The following BUB1B variants were observed in gnomAD, a reference collection of about 807,000 sequenced individuals.
BUB1B encodes the protein BUB1 mitotic checkpoint serine/threonine kinase B.
BUB1B carries 86 observed loss-of-function variants against 137.7 expected under a neutral mutation model. The observed-to-expected ratio is 0.62, with a 90% confidence interval of 0.52 to 0.75. The LOEUF is 0.75. Ranked by LOEUF, BUB1B falls within the 30% of genes least tolerant of loss-of-function variation. BUB1B has a pLI of 0.00. For missense variants in BUB1B, 1,130 were observed against 1,236.9 expected, an observed-to-expected ratio of 0.91 and a Z score of 1.30; for synonymous variants, 420 against 417.9, an observed-to-expected ratio of 1.00 and a Z score of -0.06.
At chr15:40,163,906 C>T (rs1458495782) in intron 1 of BUB1B, among the ~76,000 whole-genome samples, 1 of 152,162 alleles carries the variant, frequency 6.6e-6, no homozygotes, top group East Asian at 1.9e-4. Flanking sequence ...AGACTGAAGT[C>T]ACATATAACT....
intron 14 of BUB1B, among the ~76,000 whole-genome samples, chr15:40,202,945 A>G (rs915096825): frequency 2.0e-5 from 3 of 152,128 alleles, no homozygotes; most frequent in Middle Eastern, 3.4e-3. Flanking sequence ...AAATTAGAAC[A>G]TACATTACTG....
intron 8 of BUB1B, among the ~76,000 whole-genome samples, chr15:40,193,515 CTG>C (rs1178803643): frequency 1.7e-5 from 2 of 119,014 alleles, no homozygotes; most frequent in African/African-American, 3.3e-5. Context: ...GTGTCTCACT[CTG>C]TTGCCCAGGC....
At chr15:40,173,676 A>T (rs2037191677) in intron 4 of BUB1B, among the ~76,000 whole-genome samples, 1 of 152,210 alleles carries the variant, frequency 6.6e-6, no homozygotes, top group South Asian at 2.1e-4. Flanking sequence ...ACATACACAC[A>T]ATAAAACTGG....
intron 22 of BUB1B, among the ~76,000 whole-genome samples, chr15:40,219,459 C>T (rs1273197869): frequency 6.6e-6 from 1 of 152,060 alleles, no homozygotes; most frequent in African/African-American, 2.4e-5. Flanking sequence ...TGGTGGCTCA[C>T]ACCTGTAATC....
chr15:40,195,874 A>G (rs889155947), intron 8 of BUB1B, among the ~76,000 whole-genome samples: 2 of 151,964 alleles, frequency 1.3e-5, no homozygotes, highest in African/African-American at 4.8e-5. Flanking sequence ...TAGATTCTGG[A>G]TATTAGTCCT....
At chr15:40,201,982 A>G (rs895107879) in intron 12 of BUB1B, among the ~76,000 whole-genome samples, 24 of 152,238 alleles carry the variant, frequency 1.6e-4, no homozygotes, top group Admixed American at 9.2e-4. Context: ...ACATTTTTTT[A>G]ATTGGTAAAA....
At chr15:40,203,921 A>C (rs7495483) in intron 14 of BUB1B, among the ~76,000 whole-genome samples, 72,148 of 152,116 alleles carry the variant, frequency 0.47, 17,951 homozygotes, top group Non-Finnish European at 0.56. Flanking sequence ...GGGTGATGTG[A>C]GCAGTAGCTT....
At chr15:40,198,339 A>AGGTG (rs1254031613) in intron 9 of BUB1B, among the ~76,000 whole-genome samples, 2 of 151,922 alleles carry the variant, frequency 1.3e-5, no homozygotes, top group African/African-American at 4.8e-5. Context: ...TGGCCTTTCA[A>AGGTG]AGTGCTGGGA....
chr15:40,210,273 T>C, intron 18 of BUB1B, 63 bp downstream of exon 18: 10 of 1,211,102 alleles, frequency 8.3e-6, no homozygotes, highest in Non-Finnish European at 1.2e-5. Context: ...GCAATAACTG[T>C]CCTCATGTTA....
chr15:40,206,113 GTC>G (rs2037632991), intron 14 of BUB1B, 69 bp from the exon 15 acceptor site: 2 of 1,480,440 alleles, frequency 1.4e-6, no homozygotes, highest in East Asian at 4.5e-5. Flanking sequence ...GAGCTAATAT[GTC>G]TCTCTCAGTA....
rs755771225 is a variant in BUB1B at position 40,171,928 on chromosome 15, A to AT, written c.384+1250dup. 6.6e-5 allele frequency among the ~76,000 whole-genome samples: 10 copies of AT among 152,238 alleles called. No individual in the cohort carries two copies. In the East Asian group the frequency reaches 1.5e-3, roughly 23 times the overall value. On this transcript the variant is annotated intron_variant, in intron 4 of 22. Coordinates refer to ENST00000287598, the MANE Select transcript of BUB1B (RefSeq NM_001211.6). The stretch of plus-strand genomic sequence containing the variant: ...TATTACTGCTTTTATTCTAAAATAA[A>AT]TTTAAAAAAATAAACAATAAATATT...
intron 8 of BUB1B, among the ~76,000 whole-genome samples, chr15:40,190,431 G>C (rs866007049): frequency 2.2e-4 from 34 of 151,992 alleles, no homozygotes; most frequent in African/African-American, 7.2e-4. Flanking sequence ...GAGCAATATA[G>C]TGAGACCCCA....
chr15:40,179,742 T>C (rs369984147), intron 5 of BUB1B, among the ~76,000 whole-genome samples: 131 of 152,190 alleles, frequency 8.6e-4, no homozygotes, highest in African/African-American at 3.1e-3. Flanking sequence ...ATTTGTGTTA[T>C]TGGCTTTTTG....
intron 11 of BUB1B, 59 bp from the exon 12 acceptor site, chr15:40,200,872 A>C: frequency 2.7e-6 from 4 of 1,468,670 alleles, no homozygotes; most frequent in Non-Finnish European, 3.8e-6. Context: ...GACTTTTAAA[A>C]ATTAAACAGT....
intron 22 of BUB1B, among the ~76,000 whole-genome samples, chr15:40,219,384 G>T (rs1174806729): frequency 6.6e-6 from 1 of 152,076 alleles, no homozygotes; most frequent in African/African-American, 2.4e-5. Flanking sequence ...AATAAGCACT[G>T]CTTGGTCTCA....
intron 18 of BUB1B, among the ~76,000 whole-genome samples, chr15:40,210,816 C>T (rs1196371166): frequency 6.6e-6 from 1 of 152,182 alleles, no homozygotes; most frequent in Non-Finnish European, 1.5e-5. Flanking sequence ...TTTTGCCATT[C>T]TGAGTCTCAA....
intron 15 of BUB1B, among the ~76,000 whole-genome samples, chr15:40,208,341 C>T (rs1355018751): frequency 6.6e-6 from 1 of 152,054 alleles, no homozygotes; most frequent in African/African-American, 2.4e-5. Context: ...AGTTCAAGAC[C>T]AGTCTGGCTA....
At position 40,185,399 on chromosome 15, in the gene BUB1B, G is replaced by T. The variant is rs371101512; in HGVS notation, c.966+20G>T. The T allele has an allele frequency of 1.9e-6, 3 of 1,612,336 alleles. No individual in the cohort carries two copies. In the African/African-American group the frequency reaches 4.0e-5, roughly 22 times the overall value. On this transcript the variant is annotated intron_variant, in intron 7 of 22. Transcript: ENST00000287598. Reference sequence around the variant, plus strand: ...CACAGGGTAAGGACTCTTAGATCCAGTGCTTTGCTGACACAACAAAGACTT... The same window carrying T: ...CACAGGGTAAGGACTCTTAGATCCATTGCTTTGCTGACACAACAAAGACTT...
At chr15:40,189,666 G>A (rs148517168) in intron 8 of BUB1B, among the ~76,000 whole-genome samples, 145 of 152,300 alleles carry the variant, frequency 9.5e-4, no homozygotes, top group African/African-American at 3.4e-3. Flanking sequence ...TAATGCTGCT[G>A]TGAATACCGT....
Sources: allele counts gnomAD v4.1 joint callset (sites outside exome capture counted in the v4.1 genomes callset), GRCh38; gene constraint gnomAD v4.1.1; transcripts MANE v1.5; gene names NCBI Gene and HGNC (gene_info 2026-07-23, HGNC 2026-07-21).